SLC24A2: variants seen among roughly 807,000 people sequenced by gnomAD.
The protein encoded by SLC24A2 is solute carrier family 24 member 2.
Under a neutral mutation model 62.0 loss-of-function variants are expected in SLC24A2, and 36 were observed. The ratio of observed to expected loss-of-function variants is 0.58; its 90% confidence interval spans 0.44 to 0.77. The LOEUF (loss-of-function observed/expected upper bound fraction) is 0.77. SLC24A2 is among the 30% of genes least tolerant of loss of function. The pLI, the probability that SLC24A2 is intolerant of heterozygous loss-of-function variation, is 0.00. For synonymous variants in SLC24A2, 358 were observed against 294.0 expected, an observed-to-expected ratio of 1.22 and a Z score of -2.23; for missense variants, 846 against 817.9, an observed-to-expected ratio of 1.03 and a Z score of -0.42.
chr9:19,910,851 T>G, the SLC24A2 span, among the ~76,000 whole-genome samples: 1 of 151,932 alleles, frequency 6.6e-6, no homozygotes, highest in Middle Eastern at 3.2e-3. Context: ...ATTTTATAGC[T>G]CTCTGTTCTA....
At position 19,513,182 on chromosome 9, in the gene SLC24A2, A is replaced by ATATATATATATATG. The variant is rs1832793560; in HGVS notation, c.*2970_*2971insCATATATATATATA. 2 of 136,080 alleles carry ATATATATATATATG rather than the reference A, an allele frequency of 1.5e-5. No individual in the cohort carries two copies. Among genetic ancestry groups the ATATATATATATATG allele is most frequent in the East Asian group, 4.6e-4 (2 of 4,324 alleles). The allele number at this position is 136,080 out of a possible 1,614,324, so 8.4% of individuals were successfully genotyped here. On this transcript the variant is annotated 3_prime_UTR_variant, in exon 11 of 11. Transcript: ENST00000341998. ...TATATATATATATATATATGTATAT[A>ATATATATATATATG]TATATATATGTATATATTTATATAT...
chr9:20,150,607 C>CTAGATTATACT, the SLC24A2 span, among the ~76,000 whole-genome samples: 7 of 151,762 alleles, frequency 4.6e-5, no homozygotes, highest in African/African-American at 1.7e-4. Flanking sequence ...AGGAATCTAG[C>CTAGATTATACT]CTAAAAATAT....
intron 2 of SLC24A2, among the ~76,000 whole-genome samples, chr9:19,710,435 C>G (rs747906142): frequency 1.2e-4 from 19 of 152,136 alleles, no homozygotes; most frequent in Non-Finnish European, 2.6e-4. Flanking sequence ...AAGAAGTCTT[C>G]CTCACTGAAG....
intron 7 of SLC24A2, among the ~76,000 whole-genome samples, chr9:19,558,174 A>C (rs1404390227): frequency 6.6e-6 from 1 of 152,088 alleles, no homozygotes; most frequent in Non-Finnish European, 1.5e-5. Flanking sequence ...GAGTCATATA[A>C]CATCCACGGC....
At chr9:20,138,653 T>C in the SLC24A2 span, among the ~76,000 whole-genome samples, 1 of 152,234 alleles carries the variant, frequency 6.6e-6, no homozygotes, top group East Asian at 1.9e-4. Flanking sequence ...CAGGATCTCA[T>C]GGAAAGATTC....
chr9:19,572,645 A>G (rs1806943), intron 7 of SLC24A2, among the ~76,000 whole-genome samples: 6,865 of 152,274 alleles, frequency 0.045, 407 homozygotes, highest in East Asian at 0.31. Flanking sequence ...GTGGAACTAT[A>G]AGTCAATTAA....
chr9:20,021,725 G>C, the SLC24A2 span, among the ~76,000 whole-genome samples: 3 of 151,934 alleles, frequency 2.0e-5, no homozygotes, highest in African/African-American at 7.2e-5. Context: ...CTTCAGCTCA[G>C]ATTTCTCTCT....
At chr9:20,025,937 A>C in the SLC24A2 span, among the ~76,000 whole-genome samples, 1 of 152,184 alleles carries the variant, frequency 6.6e-6, no homozygotes, top group Non-Finnish European at 1.5e-5. Context: ...CCCCTAATAA[A>C]AGACACTGTG....
At chr9:20,024,199 A>C in the SLC24A2 span, among the ~76,000 whole-genome samples, 1 of 152,206 alleles carries the variant, frequency 6.6e-6, no homozygotes, top group Non-Finnish European at 1.5e-5. Context: ...AAGGAAAACA[A>C]ATCTAAACAA....
intron 9 of SLC24A2, among the ~76,000 whole-genome samples, chr9:19,527,833 T>C (rs1193027693): frequency 6.6e-6 from 1 of 152,216 alleles, no homozygotes; most frequent in East Asian, 1.9e-4. Context: ...TGCCTCCACA[T>C]GGCTGTCCAG....
chr9:20,019,302 A>AGAAG, the SLC24A2 span, among the ~76,000 whole-genome samples: 24 of 149,392 alleles, frequency 1.6e-4, no homozygotes, highest in Non-Finnish European at 3.4e-4. Flanking sequence ...AAAGAAAGAA[A>AGAAG]GAAAGAAAGA....
At chr9:19,709,745 T>G (rs1297146651) in intron 2 of SLC24A2, among the ~76,000 whole-genome samples, 1 of 108,286 alleles carries the variant, frequency 9.2e-6, no homozygotes, top group Non-Finnish European at 1.8e-5. Context: ...CTCTGGGGAC[T>G]GTTGTGGTGT....
chr9:19,900,507 T>C, the SLC24A2 span, among the ~76,000 whole-genome samples: 1 of 148,874 alleles, frequency 6.7e-6, no homozygotes, highest in East Asian at 1.9e-4. Context: ...GAGTCCCAGT[T>C]CTTCTTCTAC....
chr9:19,751,222 G>A (rs1479935383), intron 2 of SLC24A2, among the ~76,000 whole-genome samples: 1 of 152,042 alleles, frequency 6.6e-6, no homozygotes, highest in Admixed American at 6.6e-5. Flanking sequence ...ATTTTTCTGG[G>A]GGCTCTTTAT....
At chr9:19,825,010 G>T in the SLC24A2 span, among the ~76,000 whole-genome samples, 23 of 151,974 alleles carry the variant, frequency 1.5e-4, no homozygotes, top group Non-Finnish European at 2.9e-5. Context: ...TCACACACCG[G>T]GCCTATCAGG....
chr9:19,799,050 A>G, the SLC24A2 span, among the ~76,000 whole-genome samples: 1 of 152,082 alleles, frequency 6.6e-6, no homozygotes, highest in South Asian at 2.1e-4. Context: ...CTTCTACACT[A>G]TTCTACTAAC....
chr9:19,646,524 A>T (rs1453945334), intron 2 of SLC24A2, among the ~76,000 whole-genome samples: 1 of 152,172 alleles, frequency 6.6e-6, no homozygotes, highest in Non-Finnish European at 1.5e-5. Flanking sequence ...AAGAAAGGTC[A>T]TTGCTGTAAG....
At chr9:19,640,656 A>G (rs1818469536) in intron 2 of SLC24A2, among the ~76,000 whole-genome samples, 1 of 152,224 alleles carries the variant, frequency 6.6e-6, no homozygotes, top group Non-Finnish European at 1.5e-5. Context: ...ACAATGAACA[A>G]AATGTCAAGA....
upstream of SLC24A2, among the ~76,000 whole-genome samples, chr9:19,789,131 C>T (rs183791508): frequency 6.6e-6 from 1 of 152,080 alleles, no homozygotes; most frequent in Non-Finnish European, 1.5e-5. Context: ...GGAGCGGGGC[C>T]GCAGCGCGCT....
Sources: allele counts gnomAD v4.1 joint callset (sites outside exome capture counted in the v4.1 genomes callset), GRCh38; gene constraint gnomAD v4.1.1; transcripts MANE v1.5; gene names NCBI Gene and HGNC (gene_info 2026-07-23, HGNC 2026-07-21).